PYGO1: variants seen among roughly 807,000 people sequenced by gnomAD.
PYGO1 encodes pygopus family PHD finger 1.
A neutral mutation model predicts 29.5 loss-of-function variants in PYGO1; 6 were observed. The ratio of observed to expected loss-of-function variants is 0.20; its 90% CI spans 0.11 to 0.40. The LOEUF (loss-of-function observed/expected upper bound fraction) is 0.40. PYGO1 is among the 10% of genes least tolerant of loss of function. PYGO1 has a pLI of 1.00. For missense variants in PYGO1, 515 were observed against 514.9 expected (o/e 1.00, Z 0.00); for synonymous variants, 186 against 180.5 (o/e 1.03, Z -0.24).
At chr15:55,551,954 T>C (rs1378544769) in intron 1 of PYGO1, among the ~76,000 whole-genome samples, 1 of 152,160 alleles carries the variant, frequency 6.6e-6, no homozygotes, top group Non-Finnish European at 1.5e-5. Context: ...ATCAATTTAA[T>C]ATGCCATATT....
chr15:55,567,653 T>C (rs947023136), intron 1 of PYGO1, among the ~76,000 whole-genome samples: 1 of 152,178 alleles, frequency 6.6e-6, no homozygotes, highest in African/African-American at 2.4e-5. Context: ...GCAATTGCTT[T>C]CAAGACTTAG....
intron 1 of PYGO1, among the ~76,000 whole-genome samples, chr15:55,556,813 C>T (rs1424238176): frequency 6.6e-6 from 1 of 151,600 alleles, no homozygotes; most frequent in Non-Finnish European, 1.5e-5. Context: ...GATATCACCA[C>T]TGACCCCACA....
intron 1 of PYGO1, among the ~76,000 whole-genome samples, chr15:55,587,139 C>T (rs775027622): frequency 1.3e-5 from 2 of 152,174 alleles, no homozygotes; most frequent in Non-Finnish European, 2.9e-5. Context: ...CTTTTGTGAA[C>T]TTATATGCAG....
At position 55,581,726 on chromosome 15, in the gene PYGO1, T is replaced by C. The variant is rs550698329; in HGVS notation, c.49+6109A>G. 1.1e-4 allele frequency among the ~76,000 whole-genome samples: 16 copies of C among 152,290 alleles called. No individual in the cohort carries two copies. The East Asian group carries it at 3.1e-3, about 29-fold the overall frequency. Reference sequence around the variant, plus strand: ...TGAGAGGATTAAGCAGGAAGATCCATTTAAAACACTCAGCAAAGTACTTGG... The same window carrying C: ...TGAGAGGATTAAGCAGGAAGATCCACTTAAAACACTCAGCAAAGTACTTGG... On this transcript the variant is annotated intron_variant, in intron 1 of 2. Transcript: ENST00000563719.
chr15:55,550,359 T>C (rs141929578), intron 1 of PYGO1, among the ~76,000 whole-genome samples: 343 of 152,310 alleles, frequency 2.3e-3, no homozygotes, highest in African/African-American at 7.8e-3. Flanking sequence ...AGAGGGATAC[T>C]TGAAGGCCAG....
intron 1 of PYGO1, among the ~76,000 whole-genome samples, chr15:55,553,701 G>A (rs368365671): frequency 2.6e-5 from 4 of 152,050 alleles, no homozygotes; most frequent in African/African-American, 2.4e-5. Context: ...GTGAGCCAAC[G>A]CGCCCAGCCT....
At chr15:55,557,300 T>G (rs147503689) in intron 1 of PYGO1, among the ~76,000 whole-genome samples, 1 of 152,000 alleles carries the variant, frequency 6.6e-6, no homozygotes, top group South Asian at 2.1e-4. Context: ...CAGGAAGAAG[T>G]TGAATCCCTG....
At chr15:55,587,710 C>T (rs1016945902) in intron 1 of PYGO1, 125 bp downstream of exon 1, 3 of 1,192,720 alleles carry the variant, frequency 2.5e-6, no homozygotes, top group Non-Finnish European at 3.1e-6. Context: ...CCCGGGGTGC[C>T]GGCGGGACGC....
chr15:55,550,927 G>C (rs1287989749), intron 1 of PYGO1, among the ~76,000 whole-genome samples: 1 of 152,188 alleles, frequency 6.6e-6, no homozygotes, highest in African/African-American at 2.4e-5. Context: ...AGGTGGCGAT[G>C]GTTGTGGAAT....
intron 1 of PYGO1, among the ~76,000 whole-genome samples, chr15:55,577,741 C>G (rs1337544367): frequency 6.6e-6 from 1 of 151,416 alleles, no homozygotes; most frequent in African/African-American, 2.4e-5. Context: ...CTCATTCCCC[C>G]ACCCCCTGAC....
intron 1 of PYGO1, among the ~76,000 whole-genome samples, chr15:55,586,030 C>A (rs2059044779): frequency 6.6e-6 from 1 of 152,080 alleles, no homozygotes; most frequent in Non-Finnish European, 1.5e-5. Context: ...CTAAGAAAAT[C>A]ATTTTCTACC....
At position 55,540,510 on chromosome 15, in the gene PYGO1, G is replaced by A. The variant is rs566110721; in HGVS notation, c.*5513C>T. ...AGATTTATTGTATTACAAGTGTCATGAGTTGGTAACACTAAAATTTACTCC... is the reference window on the plus strand; with the variant it reads ...AGATTTATTGTATTACAAGTGTCATAAGTTGGTAACACTAAAATTTACTCC... On this transcript the variant is annotated 3_prime_UTR_variant, in exon 3 of 3. Transcript: ENST00000563719. The A allele has an allele frequency of 7.9e-5, 12 of 152,158 alleles. No homozygotes were observed. Among genetic ancestry groups the A allele is most frequent in the African/African-American group, 2.9e-4 (12 of 41,546 alleles). 9.4% of individuals were successfully genotyped at this position (152,158 alleles called of 1,614,324 possible).
intron 2 of PYGO1, among the ~76,000 whole-genome samples, chr15:55,548,692 G>A (rs1476299964): frequency 1.1e-5 from 1 of 91,036 alleles, no homozygotes; most frequent in African/African-American, 4.1e-5. Flanking sequence ...TCTGGCAACA[G>A]AGCAAGAATC....
At chr15:55,568,122 G>T (rs1053831593) in intron 1 of PYGO1, among the ~76,000 whole-genome samples, 1 of 152,164 alleles carries the variant, frequency 6.6e-6, no homozygotes, top group Non-Finnish European at 1.5e-5. Flanking sequence ...AAATTCCATT[G>T]TAGTTTGATA....
At chr15:55,576,004 T>C (rs1359673436) in intron 1 of PYGO1, among the ~76,000 whole-genome samples, 1 of 152,182 alleles carries the variant, frequency 6.6e-6, no homozygotes, top group African/African-American at 2.4e-5. Context: ...TTATTTTTGC[T>C]ACTTAAATCT....
At chr15:55,574,568 T>C (rs1213421465) in intron 1 of PYGO1, among the ~76,000 whole-genome samples, 1 of 152,204 alleles carries the variant, frequency 6.6e-6, no homozygotes, top group African/African-American at 2.4e-5. Context: ...ATAGGGTTCA[T>C]CTGTTGAGTT....
intron 1 of PYGO1, among the ~76,000 whole-genome samples, chr15:55,577,155 T>C (rs1397644216): frequency 1.3e-5 from 2 of 152,174 alleles, no homozygotes; most frequent in Non-Finnish European, 1.5e-5. Flanking sequence ...GCATATCTGA[T>C]CGGTTTCTCT....
chr15:55,588,115 C>T lies in PYGO1; in HGVS notation c.-232G>A. The T allele has an allele frequency of 1.1e-6, 1 of 901,592 alleles. No individual in the cohort carries two copies. Among genetic ancestry groups the T allele is most frequent in the Non-Finnish European group, 1.3e-6 (1 of 755,838 alleles). 55.8% of individuals were successfully genotyped at this position (901,592 alleles called of 1,614,324 possible). On this transcript the variant is annotated 5_prime_UTR_variant, in exon 1 of 3. Transcript: ENST00000563719. ...GCGTGCGGGCACCGGCGGGGCTCAGCGGCGGTGGCCGGGAGCGCGGCCTGG... is the reference window on the plus strand; with the variant it reads ...GCGTGCGGGCACCGGCGGGGCTCAGTGGCGGTGGCCGGGAGCGCGGCCTGG...
At chr15:55,567,828 A>T (rs2058963581) in intron 1 of PYGO1, among the ~76,000 whole-genome samples, 1 of 152,162 alleles carries the variant, frequency 6.6e-6, no homozygotes, top group African/African-American at 2.4e-5. Flanking sequence ...ATAGCCAGCT[A>T]TCCCAGCGCC....
Sources: gnomAD v4.1 joint callset for allele counts (sites outside exome capture counted in the v4.1 genomes callset) on GRCh38, gnomAD v4.1.1 for gene constraint, MANE v1.5 for transcripts, NCBI Gene and HGNC (gene_info 2026-07-23, HGNC 2026-07-21) for gene names.